HSPBAP1: variants seen among roughly 807,000 people sequenced by gnomAD.
The protein encoded by HSPBAP1 is HSPB1 associated protein 1, also known as HSPB1-associated protein 1.
A neutral mutation model predicts 45.2 loss-of-function variants in HSPBAP1; 27 were observed. The ratio of observed to expected loss-of-function variants is 0.60; its 90% CI spans 0.44 to 0.82. HSPBAP1 has a LOEUF of 0.82. HSPBAP1 is among the 40% of genes least tolerant of loss of function. The pLI, the probability that HSPBAP1 is intolerant of heterozygous loss-of-function variation, is 0.00. For missense variants in HSPBAP1, 510 were observed against 590.9 expected (o/e 0.86, Z 1.42); for synonymous variants, 204 against 202.7 (o/e 1.01, Z -0.06).
chr3:122,750,475 A>G (rs1476667162), intron 6 of HSPBAP1, among the ~76,000 whole-genome samples: 2 of 152,132 alleles, frequency 1.3e-5, no homozygotes. Context: ...CTGTCTAGAT[A>G]TATTTTTTAA....
intron 6 of HSPBAP1, chr3:122,741,363 G>T: frequency 2.3e-6 from 1 of 438,318 alleles, no homozygotes; most frequent in Non-Finnish European, 4.1e-6. Context: ...CCTTAAGTAT[G>T]AATCACCTTA....
chr3:122,793,570 C>T (rs920003203), intron 1 of HSPBAP1, 47 bp downstream of exon 1: 2 of 1,570,820 alleles, frequency 1.3e-6, no homozygotes, highest in South Asian at 1.1e-5. Flanking sequence ...CGAGAGTCAA[C>T]TGGCATTGGG....
intron 6 of HSPBAP1, among the ~76,000 whole-genome samples, chr3:122,743,151 TA>T (rs1396805232): frequency 1.3e-5 from 2 of 152,228 alleles, no homozygotes; most frequent in Non-Finnish European, 2.9e-5. Flanking sequence ...TTCCTTGTGA[TA>T]GTTGAAAAAC....
intron 1 of HSPBAP1, among the ~76,000 whole-genome samples, chr3:122,780,710 T>C (rs1935420221): frequency 6.8e-6 from 1 of 146,014 alleles, no homozygotes; most frequent in African/African-American, 2.6e-5. Flanking sequence ...GGCTCCTCAC[T>C]TCCCAGACGG....
At position 122,759,251 on chromosome 3, in the gene HSPBAP1, C is replaced by T; in HGVS notation, c.542G>A (p.Cys181Tyr). ...HTPCHLDSYGCNLVFQVQGRK... is the reference protein window; with the variant it reads ...HTPCHLDSYGYNLVFQVQGRK... Reference sequence around the variant, plus strand: ...TCCTTGTACCTGGAATACCAAGTTACAACCATAGGAGTCCAGATGACAGGG... The same window carrying T: ...TCCTTGTACCTGGAATACCAAGTTATAACCATAGGAGTCCAGATGACAGGG... Residue 181 changes from cysteine to tyrosine, a missense_variant, in exon 4 of 8, where the codon TGT becomes TAT. By Grantham distance (194) the Cys-to-Tyr change is radical. Transcript: ENST00000306103. The T allele has an allele frequency of 6.2e-7, 1 of 1,613,002 alleles. No homozygotes were observed. Among genetic ancestry groups the T allele is most frequent in the Non-Finnish European group, 8.5e-7 (1 of 1,179,532 alleles).
intron 2 of HSPBAP1, 123 bp from the exon 3 acceptor site, chr3:122,769,005 T>C: frequency 2.8e-6 from 2 of 716,796 alleles, no homozygotes; most frequent in Non-Finnish European, 4.5e-6. Context: ...TAAAAATTCG[T>C]GTTGAGCCAG....
At position 122,777,727 on chromosome 3, in the gene HSPBAP1, T is replaced by A. The variant is rs1935233927; in HGVS notation, c.244A>T (p.Ser82Cys). Residue 82 changes from serine to cysteine, a missense_variant, in exon 2 of 8, where the codon AGC (serine) becomes TGC (cysteine). Coordinates refer to ENST00000306103, the MANE Select transcript of HSPBAP1 (RefSeq NM_024610.6). ...TGATTACCTATAGTCATACCTGTGC[T>A]CATGCTTTTCATCCCCATTCTGAAT... ...IRFRMGMKSM[S>C]TVPQFETTCN... The A allele has an allele frequency of 1.9e-6, 3 of 1,612,582 alleles. No individual in the cohort carries two copies. In the South Asian group the frequency reaches 3.3e-5, roughly 18 times the overall value.
intron 6 of HSPBAP1, among the ~76,000 whole-genome samples, chr3:122,751,919 CAG>C (rs1269614069): frequency 3.3e-5 from 5 of 152,164 alleles, no homozygotes; most frequent in Admixed American, 3.3e-4. Context: ...GGCTGTCAAA[CAG>C]AGCAGAAAGA....
intron 2 of HSPBAP1, among the ~76,000 whole-genome samples, chr3:122,777,203 T>C (rs1277934962): frequency 1.3e-5 from 2 of 152,178 alleles, no homozygotes; most frequent in African/African-American, 2.4e-5. Flanking sequence ...GCTTTACATA[T>C]GTTTCATGTT....
At chr3:122,745,330 T>C (rs1933808458) in intron 6 of HSPBAP1, among the ~76,000 whole-genome samples, 1 of 152,064 alleles carries the variant, frequency 6.6e-6, no homozygotes, top group Non-Finnish European at 1.5e-5. Flanking sequence ...TCAATAGCTA[T>C]CATATACACT....
chr3:122,779,005 T>A (rs1935299734), intron 1 of HSPBAP1, among the ~76,000 whole-genome samples: 1 of 151,886 alleles, frequency 6.6e-6, no homozygotes, highest in African/African-American at 2.4e-5. Flanking sequence ...TCCATATTGA[T>A]CCTTAATGTG....
At chr3:122,746,298 T>G (rs1445439128) in intron 6 of HSPBAP1, among the ~76,000 whole-genome samples, 1 of 87,210 alleles carries the variant, frequency 1.1e-5, no homozygotes, top group Non-Finnish European at 2.5e-5. Context: ...AATCAAAAGG[T>G]TTTTTTTTTT....
At chr3:122,774,077 T>C (rs1419435170) in intron 2 of HSPBAP1, among the ~76,000 whole-genome samples, 3 of 152,248 alleles carry the variant, frequency 2.0e-5, no homozygotes, top group South Asian at 2.1e-4. Context: ...TTTCATTCTT[T>C]CACTTCACAA....
intron 3 of HSPBAP1, among the ~76,000 whole-genome samples, chr3:122,763,786 A>G (rs1934681364): frequency 6.6e-6 from 1 of 152,262 alleles, no homozygotes; most frequent in South Asian, 2.1e-4. Flanking sequence ...CCAGATTAAA[A>G]TTAAAATACT....
chr3:122,776,733 T>C (rs1186026920), intron 2 of HSPBAP1, among the ~76,000 whole-genome samples: 1 of 152,166 alleles, frequency 6.6e-6, no homozygotes, highest in Non-Finnish European at 1.5e-5. Context: ...CTGATTATAA[T>C]GAGATGACAA....
At chr3:122,754,857 C>T (rs1466961166) in intron 5 of HSPBAP1, 6 of 989,748 alleles carry the variant, frequency 6.1e-6, no homozygotes, top group Non-Finnish European at 7.2e-6. Flanking sequence ...GGAGGCATTC[C>T]GACCTGTGTT....
intron 2 of HSPBAP1, among the ~76,000 whole-genome samples, chr3:122,774,285 T>C (rs1304791118): frequency 2.0e-5 from 3 of 152,122 alleles, no homozygotes; most frequent in African/African-American, 7.2e-5. Context: ...TGGGGAAGGA[T>C]AGATTTGGTC....
intron 6 of HSPBAP1, among the ~76,000 whole-genome samples, chr3:122,745,033 G>A (rs1038426759): frequency 2.6e-5 from 4 of 152,128 alleles, no homozygotes; most frequent in African/African-American, 9.6e-5. Context: ...AGAAATTGAT[G>A]GATACTTAAT....
rs1933651140 is a variant in HSPBAP1, at chr3:122,741,060, A to G, written c.879T>C (p.Cys293=). The G allele has an allele frequency of 6.2e-7, 1 of 1,614,196 alleles. No individual in the cohort carries two copies. Among genetic ancestry groups the G allele is most frequent in the South Asian group, 1.1e-5 (1 of 91,088 alleles). ...VEEAITRMLV[C]ALKTAENPQN... Reference sequence around the variant, plus strand: ...GTGGATTCTCTGCAGTTTTCAGGGCACACACAAGCATACGGGTGATTGCCT... The same window carrying G: ...GTGGATTCTCTGCAGTTTTCAGGGCGCACACAAGCATACGGGTGATTGCCT... The change falls in exon 7 of 8, where the codon TGT becomes TGC. Residue 293 remains cysteine (C), a synonymous_variant. Transcript: ENST00000306103.
Sources: gnomAD v4.1 joint callset for allele counts (sites outside exome capture counted in the v4.1 genomes callset) on GRCh38, gnomAD v4.1.1 for gene constraint, MANE v1.5 for transcripts, NCBI Gene and HGNC (gene_info 2026-07-23, HGNC 2026-07-21) for gene names.